The following PLAT variants were observed in gnomAD, a reference collection of about 807,000 sequenced individuals.
The protein encoded by PLAT is plasminogen activator, tissue type.
In PLAT, 48 loss-of-function variants were observed where a neutral mutation model predicts 74.9. That is an observed-to-expected ratio of 0.64 (90% CI 0.51 to 0.82). The LOEUF (loss-of-function observed/expected upper bound fraction) is 0.82. PLAT is among the 40% of genes least tolerant of loss of function. The probability of loss-of-function intolerance (pLI) is 0.00; values close to 1 mark genes in which losing one functional copy is unlikely to be tolerated. For missense variants in PLAT, 673 were observed against 736.2 expected, an observed-to-expected ratio of 0.91 and a Z score of 0.99; for synonymous variants, 307 against 294.4, an observed-to-expected ratio of 1.04 and a Z score of -0.44.
intron 6 of PLAT, chr8:42,187,083 A>C: frequency 4.1e-6 from 1 of 245,004 alleles, no homozygotes; most frequent in Non-Finnish European, 7.8e-6. Context: ...TCTATCATCT[A>C]TTTATCTATC....
chr8:42,187,675 G>T (rs1429013880), intron 5 of PLAT, 103 bp from the exon 6 acceptor site: 3 of 1,173,708 alleles, frequency 2.6e-6, no homozygotes, highest in African/African-American at 1.5e-5. Context: ...CCTGATGCAG[G>T]CTGGCTCGGA....
At chr8:42,198,323 C>G (rs921706238) in intron 1 of PLAT, among the ~76,000 whole-genome samples, 4 of 152,186 alleles carry the variant, frequency 2.6e-5, no homozygotes, top group African/African-American at 9.7e-5. Flanking sequence ...AACCCCATCT[C>G]TACTAAAAAT....
rs2953999 is a variant in PLAT at position 42,180,865 on chromosome 8, G to A, written c.890-180C>T. ...ACAGCGATAAGTTTCAGGAGGCGGA[G>A]ACGTTTTTGCCCAAGGTTGCAATGG... On this transcript the variant is annotated intron_variant, in intron 9 of 13. Coordinates refer to ENST00000220809, the MANE Select transcript of PLAT (RefSeq NM_000930.5). 6 of 548,702 alleles carry A rather than the reference G, an allele frequency of 1.1e-5. No homozygotes were observed. In the African/African-American group the frequency reaches 1.2e-4, roughly 11 times the overall value. The allele number at this position is 548,702 out of a possible 1,614,324, so 34.0% of individuals were successfully genotyped here.
intron 1 of PLAT, among the ~76,000 whole-genome samples, chr8:42,197,542 C>T (rs1222069085): frequency 6.6e-6 from 1 of 152,160 alleles, no homozygotes; most frequent in African/African-American, 2.4e-5. Flanking sequence ...ATCATGCCAA[C>T]CAGAAAGGTG....
intron 1 of PLAT, among the ~76,000 whole-genome samples, chr8:42,201,564 C>T (rs1339798740): frequency 6.6e-6 from 1 of 152,140 alleles, no homozygotes; most frequent in Non-Finnish European, 1.5e-5. Flanking sequence ...AGCCTATAAC[C>T]AATTCTCTGC....
chr8:42,200,559 C>G (rs1010780670), intron 1 of PLAT, among the ~76,000 whole-genome samples: 8 of 151,778 alleles, frequency 5.3e-5, no homozygotes, highest in African/African-American at 1.9e-4. Flanking sequence ...TGCCTGTAGT[C>G]CCAGCTACTT....
At chr8:42,178,644 A>G (rs1587926517) in intron 13 of PLAT, among the ~76,000 whole-genome samples, 2 of 152,166 alleles carry the variant, frequency 1.3e-5, no homozygotes, top group East Asian at 3.9e-4. Flanking sequence ...CTGAAAGGAA[A>G]TCCTGTACAG....
intron 12 of PLAT, among the ~76,000 whole-genome samples, chr8:42,179,585 G>A (rs1157008646): frequency 6.6e-6 from 1 of 152,128 alleles, no homozygotes; most frequent in African/African-American, 2.4e-5. Flanking sequence ...CCATGTCCAC[G>A]GTCACACAGC....
rs541004743 is a variant in PLAT, at chr8:42,203,288, C to T, written c.-27+4206G>A. 3.3e-5 allele frequency among the ~76,000 whole-genome samples: 5 copies of T among 152,318 alleles called. No individual in the cohort carries two copies. The South Asian group carries it at 1.0e-3, about 32-fold the overall frequency. ...AAAAAACTTCCCTAAGCCACCAGTG[C>T]GTGTGTCAGGAGCATCGCGTGGTCA... On this transcript the variant is annotated intron_variant, in intron 1 of 13. Coordinates refer to ENST00000220809, the MANE Select transcript of PLAT (RefSeq NM_000930.5).
At chr8:42,178,536 CT>C (rs1805070047) in intron 13 of PLAT, among the ~76,000 whole-genome samples, 1 of 152,192 alleles carries the variant, frequency 6.6e-6, no homozygotes, top group South Asian at 2.1e-4. Context: ...TCCCAAAGTG[CT>C]GGGATTACAG....
chr8:42,178,773 G>C, intron 13 of PLAT, 124 bp downstream of exon 13: 1 of 885,812 alleles, frequency 1.1e-6, no homozygotes, highest in Non-Finnish European at 1.7e-6. Flanking sequence ...AGAATCCCCA[G>C]GGGTATCACT....
In PLAT at chr8:42,175,929, G is replaced by A; in HGVS notation, c.*64C>T. ...GTCTGTAGAGAAGCACTGCGCCTTT[G>A]CAGTGTCTTCTGAAGAAGAAGAGGC... is the stretch of plus-strand genomic sequence containing the variant. On this transcript the variant is annotated 3_prime_UTR_variant, in exon 14 of 14. Coordinates refer to ENST00000220809, the MANE Select transcript of PLAT (RefSeq NM_000930.5). The A allele has an allele frequency of 6.5e-7, 1 of 1,538,190 alleles. No homozygotes were observed. The highest frequency in any genetic ancestry group is 1.2e-5 in the South Asian group (1 of 86,224).
At chr8:42,177,855 C>T (rs999119673) in intron 13 of PLAT, among the ~76,000 whole-genome samples, 3 of 152,166 alleles carry the variant, frequency 2.0e-5, no homozygotes, top group Admixed American at 1.3e-4. Context: ...GACTGCCTTG[C>T]GAAAACAAAG....
rs768378966 is a variant in PLAT at position 42,187,977 on chromosome 8, T to C, written c.293A>G (p.Gln98Arg). 5.0e-6 allele frequency: 8 copies of C among 1,613,880 alleles called. No individual in the cohort carries two copies. In the South Asian group the frequency reaches 6.6e-5, roughly 13 times the overall value. ...GAAATCTGAGAAGTACAGGGCCTGCTGGCAGGTGCCCCCGTTGAAACACCT... is the reference window on the plus strand; with the variant it reads ...GAAATCTGAGAAGTACAGGGCCTGCCGGCAGGTGCCCCCGTTGAAACACCT... ...EPRCFNGGTC[Q>R]QALYFSDFVC... The change falls in exon 5 of 14, where the codon CAG becomes CGG. Residue 98 changes from glutamine to arginine, a missense_variant. Transcript: ENST00000220809.
chr8:42,198,316 C>T (rs978528785), intron 1 of PLAT, among the ~76,000 whole-genome samples: 4 of 152,164 alleles, frequency 2.6e-5, no homozygotes, highest in Non-Finnish European at 5.9e-5. Context: ...ATAGTGAAAC[C>T]CCATCTCTAC....
At chr8:42,188,288 T>C in intron 4 of PLAT, 2 of 380,140 alleles carry the variant, frequency 5.3e-6, no homozygotes, top group Non-Finnish European at 9.4e-6. Context: ...TGAGTTAAAA[T>C]ATTAAGAATG....
At chr8:42,198,280 A>G (rs1236123685) in intron 1 of PLAT, among the ~76,000 whole-genome samples, 3 of 152,268 alleles carry the variant, frequency 2.0e-5, no homozygotes, top group African/African-American at 4.8e-5. Context: ...TCTTGAGGTC[A>G]GGAGTTCAAA....
chr8:42,197,457 G>A (rs536646150), intron 1 of PLAT, among the ~76,000 whole-genome samples: 1 of 152,348 alleles, frequency 6.6e-6, no homozygotes, highest in African/African-American at 2.4e-5. Flanking sequence ...GTACCGTGCT[G>A]TAAGCTCACT....
At chr8:42,181,788 T>A in intron 9 of PLAT, 149 bp downstream of exon 9, 1 of 256,980 alleles carries the variant, frequency 3.9e-6, no homozygotes, top group Non-Finnish European at 7.7e-6. Flanking sequence ...CCACCGTGGC[T>A]TCAGTCATGG....
Sources: allele counts gnomAD v4.1 joint callset (sites outside exome capture counted in the v4.1 genomes callset), GRCh38; gene constraint gnomAD v4.1.1; transcripts MANE v1.5; gene names NCBI Gene and HGNC (gene_info 2026-07-23, HGNC 2026-07-21).